The following ELMO1 variants were observed in gnomAD, a reference collection of about 807,000 sequenced individuals.
ELMO1 encodes engulfment and cell motility 1, also known as engulfment and cell motility protein 1.
Under a neutral mutation model 98.9 loss-of-function variants are expected in ELMO1, and 26 were observed. The ratio of observed to expected loss-of-function variants is 0.26; its 90% CI spans 0.19 to 0.36. The LOEUF (loss-of-function observed/expected upper bound fraction) is 0.36. Among genes scored for constraint, ELMO1 ranks in the 10% least tolerant of loss-of-function variants. The pLI, the probability that ELMO1 is intolerant of heterozygous loss-of-function variation, is 1.00. For synonymous variants in ELMO1, 346 were observed against 346.0 expected, an observed-to-expected ratio of 1.00 and a Z score of 0.00; for missense variants, 627 against 935.2, an observed-to-expected ratio of 0.67 and a Z score of 4.30.
At chr7:37,406,694 G>C (rs13234297) in intron 1 of ELMO1, among the ~76,000 whole-genome samples, 1 of 151,826 alleles carries the variant, frequency 6.6e-6, no homozygotes, top group Non-Finnish European at 1.5e-5. Flanking sequence ...TGCCCGCCTC[G>C]GCCTCCCAAA....
intron 6 of ELMO1, among the ~76,000 whole-genome samples, chr7:37,250,407 T>C (rs1368855472): frequency 6.6e-6 from 1 of 152,238 alleles, no homozygotes; most frequent in African/African-American, 2.4e-5. Flanking sequence ...TTCATCAAGA[T>C]ATTAAAAATA....
intron 1 of ELMO1, chr7:37,429,211 T>C (rs1804830366): frequency 6.6e-6 from 1 of 152,072 alleles, no homozygotes; most frequent in East Asian, 1.9e-4. Context: ...TTCCGGGTGC[T>C]GCAGACTAAG....
chr7:37,018,128 A>ATT (rs34247625), intron 15 of ELMO1, among the ~76,000 whole-genome samples: 17,816 of 144,852 alleles, frequency 0.12, 1,213 homozygotes, highest in Middle Eastern at 0.2. Context: ...ATTAGTTACT[A>ATT]TTTTTTTTTT....
intron 16 of ELMO1, among the ~76,000 whole-genome samples, chr7:36,987,573 C>G (rs888185098): frequency 6.6e-6 from 1 of 152,138 alleles, no homozygotes; most frequent in Non-Finnish European, 1.5e-5. Flanking sequence ...ACCCTCAGCC[C>G]GTAATGACCC....
At chr7:37,231,643 G>T (rs1224387281) in intron 8 of ELMO1, among the ~76,000 whole-genome samples, 1 of 152,188 alleles carries the variant, frequency 6.6e-6, no homozygotes, top group East Asian at 1.9e-4. Flanking sequence ...ACAGACTTGG[G>T]GACACTAAGG....
intron 6 of ELMO1, among the ~76,000 whole-genome samples, chr7:37,245,048 C>T (rs1362090630): frequency 6.6e-6 from 1 of 152,184 alleles, no homozygotes; most frequent in Non-Finnish European, 1.5e-5. Context: ...TCTCATTCCT[C>T]AAGTCTGCCA....
intron 16 of ELMO1, chr7:36,986,248 A>T (rs1158011118): frequency 2.0e-6 from 2 of 985,310 alleles, no homozygotes; most frequent in African/African-American, 3.5e-5. Flanking sequence ...ATTTCAGGGA[A>T]ACTCCTGCTC....
At chr7:37,203,916 A>T (rs1792448685) in intron 13 of ELMO1, among the ~76,000 whole-genome samples, 1 of 152,144 alleles carries the variant, frequency 6.6e-6, no homozygotes, top group Non-Finnish European at 1.5e-5. Context: ...GTTCCAGGCA[A>T]ACCAACGCTC....
At chr7:37,089,767 G>A (rs568374472) in intron 15 of ELMO1, among the ~76,000 whole-genome samples, 4 of 152,330 alleles carry the variant, frequency 2.6e-5, no homozygotes, top group East Asian at 1.9e-4. Context: ...AGAAAAGACT[G>A]TAAAGAGACA....
At chr7:37,034,130 T>A (rs1188659020) in intron 15 of ELMO1, among the ~76,000 whole-genome samples, 2 of 152,196 alleles carry the variant, frequency 1.3e-5, no homozygotes, top group Admixed American at 6.5e-5. Flanking sequence ...CACCCTCAAA[T>A]TCCTATGTTG....
intron 16 of ELMO1, among the ~76,000 whole-genome samples, chr7:36,945,729 T>C (rs1787421921): frequency 6.6e-6 from 1 of 152,172 alleles, no homozygotes; most frequent in African/African-American, 2.4e-5. Flanking sequence ...GCTAACATAA[T>C]AGCCTGACAT....
chr7:36,976,459 T>G (rs565897502), intron 16 of ELMO1, among the ~76,000 whole-genome samples: 4 of 152,348 alleles, frequency 2.6e-5, no homozygotes, highest in Non-Finnish European at 5.9e-5. Flanking sequence ...ATAATTATTA[T>G]TAGTATAAAC....
At chr7:37,387,508 C>G (rs1210515819) in intron 1 of ELMO1, among the ~76,000 whole-genome samples, 1 of 152,182 alleles carries the variant, frequency 6.6e-6, no homozygotes, top group Non-Finnish European at 1.5e-5. Flanking sequence ...CCAGTATGAT[C>G]TCATCTTAGC....
At chr7:36,922,362 A>AG (rs1384258428) in intron 16 of ELMO1, among the ~76,000 whole-genome samples, 1 of 151,590 alleles carries the variant, frequency 6.6e-6, no homozygotes, top group African/African-American at 2.4e-5. Flanking sequence ...AAAAAAAAAA[A>AG]AAAAAACCAA....
intron 11 of ELMO1, among the ~76,000 whole-genome samples, chr7:37,215,275 T>C (rs573923467): frequency 8.5e-5 from 13 of 152,340 alleles, no homozygotes; most frequent in South Asian, 4.2e-4. Context: ...GCATTACCAC[T>C]GGCTTTGGGA....
intron 14 of ELMO1, among the ~76,000 whole-genome samples, chr7:37,130,405 T>C (rs1290621828): frequency 1.3e-5 from 2 of 152,098 alleles, no homozygotes; most frequent in Non-Finnish European, 2.9e-5. Context: ...GTGCATTTCA[T>C]GGGCAGGTGG....
At chr7:36,959,108 C>T (rs556745863) in intron 16 of ELMO1, among the ~76,000 whole-genome samples, 35 of 152,248 alleles carry the variant, frequency 2.3e-4, no homozygotes, top group African/African-American at 8.2e-4. Context: ...TCTCCCACCA[C>T]ACTGCCCATC....
intron 13 of ELMO1, among the ~76,000 whole-genome samples, chr7:37,135,389 A>G (rs1397138148): frequency 6.6e-6 from 1 of 152,190 alleles, no homozygotes; most frequent in Non-Finnish European, 1.5e-5. Flanking sequence ...AGACCCTTTG[A>G]AGGAACTGGA....
At chr7:37,233,227 G>T (rs1794280442) in intron 7 of ELMO1, 33 bp from the exon 8 acceptor site, 7 of 1,572,678 alleles carry the variant, frequency 4.5e-6, no homozygotes, top group Non-Finnish European at 6.0e-6. Context: ...AGAGTCAAGA[G>T]CCCCAAAGCT....
Sources: gnomAD v4.1 joint callset for allele counts (sites outside exome capture counted in the v4.1 genomes callset) on GRCh38, gnomAD v4.1.1 for gene constraint, MANE v1.5 for transcripts, NCBI Gene and HGNC (gene_info 2026-07-23, HGNC 2026-07-21) for gene names.